The following SCO1 variants were observed in gnomAD, a reference collection of about 807,000 sequenced individuals.
The protein encoded by SCO1 is synthesis of cytochrome C oxidase 1.
Under a neutral mutation model 34.0 loss-of-function variants are expected in SCO1, and 23 were observed. The ratio of observed to expected loss-of-function variants is 0.68; its 90% CI spans 0.49 to 0.96. The LOEUF (loss-of-function observed/expected upper bound fraction) is 0.96, where lower values mean the gene tolerates loss of function less well. Ranked by LOEUF, SCO1 falls within the 40% of genes least tolerant of loss-of-function variation. The pLI, the probability that SCO1 is intolerant of heterozygous loss-of-function variation, is 0.00. For missense variants in SCO1, 404 were observed against 381.6 expected (o/e 1.06, Z -0.49); for synonymous variants, 161 against 145.5 (o/e 1.11, Z -0.77).
At chr17:10,697,121 G>A (rs1365257071) in intron 1 of SCO1, 114 bp downstream of exon 1, 4 of 1,062,028 alleles carry the variant, frequency 3.8e-6, no homozygotes, top group Non-Finnish European at 5.3e-6. Flanking sequence ...CGCAAGCTAA[G>A]GACAACTTTA....
chr17:10,674,521 G>A lies in SCO1; in HGVS notation c.*6598C>T, dbSNP rs2074568260. The A allele has an allele frequency of 4.4e-6, 1 of 226,770 alleles. No homozygotes were observed. The highest frequency in any genetic ancestry group is 4.9e-5 in the South Asian group (1 of 20,222). 14.0% of individuals were successfully genotyped at this position (226,770 alleles called of 1,614,324 possible). ...TGCATTTCTGCTAAGTACCCCAGTG[G>A]TGTGACACTGCCGGACCACAGACTA... On this transcript the variant is annotated 3_prime_UTR_variant, in exon 6 of 6. Coordinates refer to ENST00000255390, the MANE Select transcript of SCO1 (RefSeq NM_004589.4).
At position 10,695,783 on chromosome 17, in the gene SCO1, A is replaced by T. The variant is rs1479735024; in HGVS notation, c.322T>A (p.Leu108Ile). Residue 108 changes from leucine (L) to isoleucine (I), a missense_variant, in exon 2 of 6, where the codon TTA becomes ATA. By Grantham distance (5) the Leu-to-Ile change is conservative. Coordinates refer to ENST00000255390, the MANE Select transcript of SCO1 (RefSeq NM_004589.4). Reference sequence around the variant, plus strand: ...TTGACGTGCTTCATTCCAGCCAGTAAAGCTCCTCCAATAGCAAATGTGATT... The same window carrying T: ...TTGACGTGCTTCATTCCAGCCAGTATAGCTCCTCCAATAGCAAATGTGATT... ...LAITFAIGGALLAGMKHVKKE... is the reference protein window; with the variant it reads ...LAITFAIGGAILAGMKHVKKE... The T allele has an allele frequency of 6.2e-7, 1 of 1,613,802 alleles. No homozygotes were observed. The highest frequency in any genetic ancestry group is 2.2e-5 in the East Asian group (1 of 44,864).
intron 5 of SCO1, among the ~76,000 whole-genome samples, chr17:10,685,339 A>T (rs2074649273): frequency 6.6e-6 from 1 of 152,232 alleles, no homozygotes; most frequent in Non-Finnish European, 1.5e-5. Context: ...AAAAATACTG[A>T]AATAATGCTA....
chr17:10,681,574 G>A (rs908302395), intron 5 of SCO1, among the ~76,000 whole-genome samples: 6 of 152,194 alleles, frequency 3.9e-5, no homozygotes, highest in African/African-American at 1.4e-4. Flanking sequence ...GCTGCTGCAG[G>A]CTTTCATAAA....
chr17:10,691,857 T>G lies in SCO1; in HGVS notation c.655+15A>C. On this transcript the variant is annotated intron_variant, in intron 4 of 5. Coordinates refer to ENST00000255390, the MANE Select transcript of SCO1 (RefSeq NM_004589.4). ...TTAAGGCTAAATAAATGTAAAGTAT[T>G]ATTTAAAAAAATACCTTTCACATAA... 1 of 1,534,998 alleles carries G rather than the reference T, an allele frequency of 6.5e-7. No individual in the cohort carries two copies. The highest frequency in any genetic ancestry group is 9.0e-7 in the Non-Finnish European group (1 of 1,108,280).
rs748960957 is a variant in SCO1 at position 10,686,848 on chromosome 17, TA to T, written c.656-7del. On this transcript the variant is annotated splice_region_variant and splice_polypyrimidine_tract_variant and intron_variant, in intron 4 of 5. Transcript: ENST00000255390. The stretch of plus-strand genomic sequence containing the variant: ...AACCAGTTTGGGAGAAAATTCTAAA[TA>T]AAAAATGAGAGAGACAGTGAAAAAT... 8.2e-6 allele frequency: 13 copies of T among 1,585,458 alleles called. No homozygotes were observed. The highest frequency in any genetic ancestry group is 1.3e-5 in the African/African-American group (1 of 74,434).
intron 2 of SCO1, among the ~76,000 whole-genome samples, 184 bp from the exon 3 acceptor site, chr17:10,693,145 C>CA (rs1567576024): frequency 1.3e-5 from 2 of 152,078 alleles, no homozygotes; most frequent in Non-Finnish European, 1.5e-5. Context: ...AACATTAAAA[C>CA]AAAATCAAAT....
At chr17:10,685,750 A>G (rs1268235209) in intron 5 of SCO1, among the ~76,000 whole-genome samples, 1 of 152,250 alleles carries the variant, frequency 6.6e-6, no homozygotes, top group African/African-American at 2.4e-5. Context: ...CTGGGGACAC[A>G]GTGAGAACCA....
At chr17:10,683,454 T>C (rs2074634528) in intron 5 of SCO1, among the ~76,000 whole-genome samples, 1 of 152,192 alleles carries the variant, frequency 6.6e-6, no homozygotes, top group Admixed American at 6.5e-5. Flanking sequence ...TGAGAAATAC[T>C]GTTAAACTGC....
chr17:10,694,213 G>A (rs1044690874), intron 2 of SCO1, among the ~76,000 whole-genome samples: 1 of 152,170 alleles, frequency 6.6e-6, no homozygotes, highest in East Asian at 1.9e-4. Context: ...AAGCTAAGGG[G>A]CATTCTACAA....
At position 10,697,232 on chromosome 17, in the gene SCO1, C is replaced by A; in HGVS notation, c.273+3G>T. ...ACCAGAAGGGTTCCAGGTGTGCACT[C>A]ACCCCGGGCTTCGAGGGGCGCGTGG... On this transcript the variant is annotated splice_donor_region_variant and intron_variant, in intron 1 of 5. Transcript: ENST00000255390. The A allele has an allele frequency of 1.3e-6, 2 of 1,549,214 alleles. No homozygotes were observed. Among genetic ancestry groups the A allele is most frequent in the Non-Finnish European group, 1.7e-6 (2 of 1,147,424 alleles).
rs886052593 is a variant in SCO1 at position 10,680,834 on chromosome 17, G to A, written c.*285C>T. The A allele has an allele frequency of 1.0e-5, 5 of 484,738 alleles. No individual in the cohort carries two copies. The highest frequency in any genetic ancestry group is 4.0e-5 in the East Asian group (1 of 24,764). The allele number at this position is 484,738 out of a possible 1,614,324, so 30.0% of individuals were successfully genotyped here. On this transcript the variant is annotated 3_prime_UTR_variant, in exon 6 of 6. Coordinates refer to ENST00000255390, the MANE Select transcript of SCO1 (RefSeq NM_004589.4). ...GAATGCACTGGCTGTGCCTCGCCCC[G>A]CCATGTCCTTCCACAGGTGGGCTCT...
chr17:10,679,434 C>A lies in SCO1; in HGVS notation c.*1685G>T, dbSNP rs576328323. On this transcript the variant is annotated 3_prime_UTR_variant, in exon 6 of 6. Transcript: ENST00000255390. The stretch of plus-strand genomic sequence containing the variant: ...ACCTATAACTAGCATAGTTTTTTTT[C>A]ACATACTTTTACTTTGATATATTTA... 2 of 152,038 alleles carry A rather than the reference C, an allele frequency of 1.3e-5. No homozygotes were observed. Among genetic ancestry groups the A allele is most frequent in the South Asian group, 4.1e-4 (2 of 4,830 alleles). 9.4% of individuals were successfully genotyped at this position (152,038 alleles called of 1,614,324 possible).
intron 5 of SCO1, among the ~76,000 whole-genome samples, chr17:10,683,620 C>A (rs2074635826): frequency 6.6e-6 from 1 of 151,982 alleles, no homozygotes. Flanking sequence ...AAAAATGTTA[C>A]CTCATTATAC....
intron 5 of SCO1, 101 bp from the exon 6 acceptor site, chr17:10,681,354 T>A: frequency 8.1e-7 from 1 of 1,232,584 alleles, no homozygotes; most frequent in Non-Finnish European, 1.2e-6. Flanking sequence ...CATTAATGCT[T>A]AAATAACCTT....
rs2074618808 is a variant in SCO1 at position 10,681,069 on chromosome 17, G to C, written c.*50C>G. On this transcript the variant is annotated 3_prime_UTR_variant, in exon 6 of 6. Transcript: ENST00000255390. ...TTTATATAGGCTCCTATGCGAGACA[G>C]TTTCCTTCCTCTTAGCAAGAGAATA... 2 of 1,610,054 alleles carry C rather than the reference G, an allele frequency of 1.2e-6. No individual in the cohort carries two copies. The highest frequency in any genetic ancestry group is 1.7e-5 in the Admixed American group (1 of 59,994).
intron 4 of SCO1, among the ~76,000 whole-genome samples, chr17:10,688,716 C>A (rs1303505112): frequency 6.6e-6 from 1 of 152,122 alleles, no homozygotes; most frequent in Non-Finnish European, 1.5e-5. Context: ...TCTGTAACAG[C>A]CAATAAATGC....
chr17:10,683,777 A>G (rs2074636926), intron 5 of SCO1, among the ~76,000 whole-genome samples: 1 of 151,606 alleles, frequency 6.6e-6, no homozygotes, highest in Non-Finnish European at 1.5e-5. Flanking sequence ...CCAGCTTTCT[A>G]TGGAATTCCA....
intron 5 of SCO1, 74 bp from the exon 6 acceptor site, chr17:10,681,327 A>G (rs754846183): frequency 4.1e-6 from 6 of 1,471,856 alleles, no homozygotes; most frequent in Non-Finnish European, 5.7e-6. Flanking sequence ...TGTATGCTGC[A>G]AGATAAGAGA....
Sources: gnomAD v4.1 joint callset for allele counts (sites outside exome capture counted in the v4.1 genomes callset) on GRCh38, gnomAD v4.1.1 for gene constraint, MANE v1.5 for transcripts, NCBI Gene and HGNC (gene_info 2026-07-23, HGNC 2026-07-21) for gene names.